PDS5A: variants seen among roughly 807,000 people sequenced by gnomAD.
PDS5A encodes sister chromatid cohesion protein PDS5 homolog A.
Under a neutral mutation model 167.1 loss-of-function variants are expected in PDS5A, and 42 were observed. The ratio of observed to expected loss-of-function variants is 0.25; its 90% confidence interval spans 0.20 to 0.33. PDS5A has a LOEUF of 0.33. Among genes scored for constraint, PDS5A ranks in the 10% least tolerant of loss-of-function variants. The pLI is 1.00. For missense variants in PDS5A, 1,033 were observed against 1,605.9 expected, an observed-to-expected ratio of 0.64 and a Z score of 6.10; for synonymous variants, 553 against 554.6, an observed-to-expected ratio of 1.00 and a Z score of 0.04.
intron 11 of PDS5A, 40 bp downstream of exon 11, chr4:39,908,355 A>G (rs1168661926): frequency 1.3e-6 from 2 of 1,490,914 alleles, no homozygotes; most frequent in African/African-American, 2.8e-5. Flanking sequence ...TAGCAATTTA[A>G]ACAGTAAATT....
chr4:39,920,289 TATAGA>T lies in PDS5A; in HGVS notation c.735+25_735+29del, dbSNP rs553062628. 5.0e-5 allele frequency: 48 copies of T among 951,190 alleles called. No individual in the cohort carries two copies. In the East Asian group the frequency reaches 9.7e-4, roughly 19 times the overall value. 58.9% of individuals were successfully genotyped at this position (951,190 alleles called of 1,614,324 possible). A position where few individuals can be genotyped will look rare whatever the true frequency, so the allele number is the denominator to read the frequency against. Reference sequence around the variant, plus strand: ...ATACAATGGATTAAGAATTACAAAATATAGAATAAACATAGAAAGAAATACATACA... The same window carrying T: ...ATACAATGGATTAAGAATTACAAAATATAAACATAGAAAGAAATACATACA... On this transcript the variant is annotated intron_variant, in intron 7 of 32. Transcript: ENST00000303538.
chr4:39,890,488 CCTGA>C (rs1419299481), intron 16 of PDS5A, 124 bp from the exon 17 acceptor site: 1 of 568,440 alleles, frequency 1.8e-6, no homozygotes, highest in South Asian at 2.6e-5. Flanking sequence ...TGCTCTAGAC[CCTGA>C]CTAAAATTTT....
chr4:39,910,086 T>C, intron 10 of PDS5A, 158 bp downstream of exon 10: 2 of 475,776 alleles, frequency 4.2e-6, no homozygotes, highest in Non-Finnish European at 7.5e-6. Flanking sequence ...TGTAATTTTA[T>C]TACATGAACA....
intron 23 of PDS5A, among the ~76,000 whole-genome samples, chr4:39,866,217 C>T (rs749698300): frequency 1.1e-4 from 17 of 152,064 alleles, no homozygotes; most frequent in African/African-American, 2.4e-4. Context: ...TGGTTTCAAG[C>T]GATTCTCCTG....
At chr4:39,899,282 ACCTCCTTTC>A (rs1221944041) in intron 14 of PDS5A, among the ~76,000 whole-genome samples, 8 of 152,250 alleles carry the variant, frequency 5.3e-5, no homozygotes, top group African/African-American at 1.9e-4. Context: ...CTTCAGGAAA[ACCTCCTTTC>A]TAAAACGTAC....
intron 16 of PDS5A, among the ~76,000 whole-genome samples, chr4:39,891,374 G>A (rs1374434208): frequency 1.3e-5 from 2 of 151,598 alleles, no homozygotes; most frequent in East Asian, 2.0e-4. Flanking sequence ...CAGGCCGGGC[G>A]CAGGTGGCTC....
At chr4:39,894,913 A>G (rs1722263052) in intron 16 of PDS5A, among the ~76,000 whole-genome samples, 1 of 152,040 alleles carries the variant, frequency 6.6e-6, no homozygotes. Context: ...CCATCACTCA[A>G]TGGTGGAGAC....
intron 2 of PDS5A, among the ~76,000 whole-genome samples, chr4:39,956,449 C>T (rs775172445): frequency 2.1e-4 from 31 of 146,318 alleles, no homozygotes; most frequent in South Asian, 1.9e-3. Flanking sequence ...GCCAAGATTG[C>T]GCCACTGCAC....
At chr4:39,941,905 A>C (rs1232331509) in intron 2 of PDS5A, among the ~76,000 whole-genome samples, 1 of 152,174 alleles carries the variant, frequency 6.6e-6, no homozygotes, top group Non-Finnish European at 1.5e-5. Flanking sequence ...TCCATCCTGA[A>C]CCACAGAGCA....
intron 25 of PDS5A, 87 bp from the exon 26 acceptor site, chr4:39,862,420 C>T: frequency 1.8e-6 from 1 of 568,280 alleles, no homozygotes; most frequent in Non-Finnish European, 3.1e-6. Flanking sequence ...TTTTTTCCCT[C>T]AGTTATTTCT....
intron 32 of PDS5A, among the ~76,000 whole-genome samples, chr4:39,835,043 T>C (rs1362422326): frequency 6.6e-6 from 1 of 152,190 alleles, no homozygotes; most frequent in Non-Finnish European, 1.5e-5. Context: ...CAATCTCTGC[T>C]CACTGCAAAC....
chr4:39,934,958 T>C (rs1352684929), intron 2 of PDS5A, among the ~76,000 whole-genome samples: 1 of 152,182 alleles, frequency 6.6e-6, no homozygotes. Context: ...AAATATTTTC[T>C]CCCAGTCTGA....
intron 2 of PDS5A, among the ~76,000 whole-genome samples, chr4:39,930,910 A>T (rs947695589): frequency 1.3e-5 from 2 of 152,246 alleles, no homozygotes; most frequent in Non-Finnish European, 2.9e-5. Flanking sequence ...GAAATTTATA[A>T]TCTTAAATGT....
Position 39,825,508 on chromosome 4 carries a change from C to G in PDS5A, c.4011-20G>C. On this transcript the variant is annotated intron_variant, in intron 32 of 32. Coordinates refer to ENST00000303538, the MANE Select transcript of PDS5A (RefSeq NM_001100399.2). ...TTTTACCTTAGGGTTAAGAATAGAACGCAAAGTTAGAAAAGATGTGGAGAA... is the reference window on the plus strand; with the variant it reads ...TTTTACCTTAGGGTTAAGAATAGAAGGCAAAGTTAGAAAAGATGTGGAGAA... 2 of 1,558,374 alleles carry G rather than the reference C, an allele frequency of 1.3e-6. No homozygotes were observed.
At chr4:39,916,656 A>T (rs1458330389) in intron 8 of PDS5A, among the ~76,000 whole-genome samples, 1 of 152,126 alleles carries the variant, frequency 6.6e-6, no homozygotes, top group African/African-American at 2.4e-5. Flanking sequence ...TCACAAGGTC[A>T]AGAGATTGAG....
At chr4:39,917,002 G>C (rs1160270709) in intron 8 of PDS5A, 46 bp downstream of exon 8, 3 of 1,246,756 alleles carry the variant, frequency 2.4e-6, no homozygotes, top group African/African-American at 1.6e-5. Flanking sequence ...GCCTGCTCTA[G>C]AAACAAAAAA....
intron 2 of PDS5A, among the ~76,000 whole-genome samples, chr4:39,951,498 G>A (rs1255490358): frequency 6.6e-6 from 1 of 151,588 alleles, no homozygotes; most frequent in Non-Finnish European, 1.5e-5. Flanking sequence ...AAAATCTTGT[G>A]CTGATAACAA....
chr4:39,892,745 G>T (rs961992847), intron 16 of PDS5A, among the ~76,000 whole-genome samples: 2 of 152,200 alleles, frequency 1.3e-5, no homozygotes, highest in African/African-American at 4.8e-5. Context: ...GCATATCCAG[G>T]TAACTAGGTA....
intron 31 of PDS5A, 69 bp from the exon 32 acceptor site, chr4:39,838,277 G>A (rs1716619548): frequency 8.6e-7 from 1 of 1,161,624 alleles, no homozygotes; most frequent in Non-Finnish European, 1.2e-6. Flanking sequence ...TTAGAAAAGA[G>A]TGTTTTGAAA....
Sources: gnomAD v4.1 joint callset for allele counts (sites outside exome capture counted in the v4.1 genomes callset) on GRCh38, gnomAD v4.1.1 for gene constraint, MANE v1.5 for transcripts, NCBI Gene and HGNC (gene_info 2026-07-23, HGNC 2026-07-21) for gene names.